The following CLASP2 variants were observed in gnomAD, a reference collection of about 807,000 sequenced individuals.
CLASP2 encodes cytoplasmic linker associated protein 2, also known as CLIP-associating protein 2.
CLASP2 carries 47 observed loss-of-function variants against 194.4 expected under a neutral mutation model. The ratio of observed to expected loss-of-function variants is 0.24; its 90% CI spans 0.19 to 0.31. CLASP2 has a LOEUF of 0.31. CLASP2 is among the 10% of genes least tolerant of loss of function. The pLI is 1.00. For synonymous variants in CLASP2, 619 were observed against 633.5 expected (o/e 0.98, Z 0.34); for missense variants, 1,445 against 1,823.6 (o/e 0.79, Z 3.78).
At chr3:33,707,306 GAAAACA>G (rs1284813334) in intron 1 of CLASP2, among the ~76,000 whole-genome samples, 17 of 152,134 alleles carry the variant, frequency 1.1e-4, no homozygotes, top group Non-Finnish European at 2.1e-4. Context: ...ATAATTATAT[GAAAACA>G]AAAACAAACA....
chr3:33,563,180 C>T (rs1275581838), intron 27 of CLASP2, among the ~76,000 whole-genome samples: 1 of 152,180 alleles, frequency 6.6e-6, no homozygotes, highest in Non-Finnish European at 1.5e-5. Flanking sequence ...CTGCTTCCAT[C>T]CTATTGCTCC....
At chr3:33,574,720 A>G (rs1483566610) in intron 24 of CLASP2, among the ~76,000 whole-genome samples, 1 of 152,136 alleles carries the variant, frequency 6.6e-6, no homozygotes, top group African/African-American at 2.4e-5. Flanking sequence ...TCCCATAACC[A>G]GTTTTCTCAA....
At chr3:33,689,975 A>T in intron 2 of CLASP2, 43 bp from the exon 3 acceptor site, 1 of 1,253,744 alleles carries the variant, frequency 8.0e-7, no homozygotes, top group Non-Finnish European at 1.1e-6. Flanking sequence ...CTTATAACTC[A>T]TCTCCATTAA....
At chr3:33,524,648 T>C (rs1412428345) in intron 34 of CLASP2, among the ~76,000 whole-genome samples, 1 of 150,070 alleles carries the variant, frequency 6.7e-6, no homozygotes, top group Non-Finnish European at 1.5e-5. Context: ...TGAGACCCTG[T>C]CTTAGGATAA....
chr3:33,661,994 T>G (rs2085379310), intron 7 of CLASP2, among the ~76,000 whole-genome samples: 1 of 152,208 alleles, frequency 6.6e-6, no homozygotes, highest in Non-Finnish European at 1.5e-5. Flanking sequence ...ACTTTCACAT[T>G]TGACCATACT....
chr3:33,686,318 C>T (rs976002257), intron 5 of CLASP2, among the ~76,000 whole-genome samples: 1 of 152,130 alleles, frequency 6.6e-6, no homozygotes, highest in Admixed American at 6.5e-5. Context: ...AGGCCATGGA[C>T]TCATATGGGT....
At chr3:33,646,816 C>T (rs2082351049) in intron 7 of CLASP2, among the ~76,000 whole-genome samples, 1 of 152,180 alleles carries the variant, frequency 6.6e-6, no homozygotes, top group African/African-American at 2.4e-5. Flanking sequence ...TCCAGATCCA[C>T]AGATTACCAG....
chr3:33,589,651 T>C (rs2068249670), intron 21 of CLASP2, among the ~76,000 whole-genome samples: 1 of 152,100 alleles, frequency 6.6e-6, no homozygotes, highest in African/African-American at 2.4e-5. Flanking sequence ...TCCTATTTGG[T>C]CTAAGAAAGT....
chr3:33,557,277 C>T (rs1211155410), intron 29 of CLASP2, among the ~76,000 whole-genome samples: 3 of 152,116 alleles, frequency 2.0e-5, no homozygotes, highest in Non-Finnish European at 4.4e-5. Flanking sequence ...CCCAGCCTCA[C>T]CCTTACTTCT....
At chr3:33,706,729 A>G (rs2154355475) in intron 1 of CLASP2, among the ~76,000 whole-genome samples, 1 of 152,298 alleles carries the variant, frequency 6.6e-6, no homozygotes, top group South Asian at 2.1e-4. Context: ...TGAGATGCCA[A>G]GACGGGAGGA....
At position 33,626,985 on chromosome 3, in the gene CLASP2, T is replaced by TA; in HGVS notation, c.1035+2dup. The TA allele has an allele frequency of 6.4e-7, 1 of 1,553,492 alleles. No homozygotes were observed. The highest frequency in any genetic ancestry group is 8.7e-7 in the Non-Finnish European group (1 of 1,143,794). On this transcript the variant is annotated splice_region_variant and intron_variant, in intron 10 of 38. Coordinates refer to ENST00000682230, the MANE Select transcript of CLASP2 (RefSeq NM_001365631.1). ...GATAAGAAAATTAAAGACAAAAACT[T>TA]ACTGCATTGGCACGCTGATCCCAGT... is the stretch of plus-strand genomic sequence containing the variant.
intron 7 of CLASP2, among the ~76,000 whole-genome samples, chr3:33,647,486 G>A (rs1459985248): frequency 6.6e-6 from 1 of 152,186 alleles, no homozygotes; most frequent in Non-Finnish European, 1.5e-5. Context: ...TCCCCTAGGG[G>A]AGGGGATGGC....
At chr3:33,680,243 TA>T (rs2089573307) in intron 6 of CLASP2, among the ~76,000 whole-genome samples, 2 of 152,288 alleles carry the variant, frequency 1.3e-5, no homozygotes, top group South Asian at 4.1e-4. Context: ...TTTAAGGCAG[TA>T]AAACTATTCT....
rs560459240 is a variant in CLASP2, at chr3:33,683,262, G to C, written c.644+1097C>G. 9.2e-5 allele frequency: 14 copies of C among 152,094 alleles called. 1 individual carries two copies. The highest frequency in any genetic ancestry group is 6.8e-3 in the Middle Eastern group (2 of 294). 9.4% of individuals were successfully genotyped at this position (152,094 alleles called of 1,614,324 possible). ...TGAAACAATGACAAAAAATATTACA[G>C]GACCTTAAGAACTTTTTAAATGGTG... On this transcript the variant is annotated intron_variant, in intron 6 of 38. Transcript: ENST00000682230.
intron 29 of CLASP2, chr3:33,558,600 AT>A (rs1260202472): frequency 5.3e-5 from 8 of 152,058 alleles, no homozygotes; most frequent in African/African-American, 1.7e-4. Context: ...TAAATCACAA[AT>A]TGGAATCCAT....
At chr3:33,673,277 G>A (rs867979346) in intron 6 of CLASP2, among the ~76,000 whole-genome samples, 1 of 152,144 alleles carries the variant, frequency 6.6e-6, no homozygotes, top group African/African-American at 2.4e-5. Flanking sequence ...AAGAGAGTGG[G>A]GGCCAATATT....
chr3:33,663,454 C>T lies in CLASP2; in HGVS notation c.706G>A (p.Val236Ile), dbSNP rs1302561181. ...GCTTAATTACTCTTACCTTTGCAGA[C>T]ACTCAAAATCATACCGCCTGAACTT... ...VQSSGGMILS[V>I]CKDKSFDDEE... The change falls in exon 7 of 39, where the codon GTC becomes ATC. Residue 236 changes from valine (V) to isoleucine (I), a missense_variant. Val to Ile is a conservative substitution (Grantham distance 29). Transcript: ENST00000682230. The T allele has an allele frequency of 1.2e-6, 2 of 1,611,884 alleles. No individual in the cohort carries two copies. Among genetic ancestry groups the T allele is most frequent in the South Asian group, 2.2e-5 (2 of 90,718 alleles).
chr3:33,527,595 A>G (rs1411165629), intron 34 of CLASP2, among the ~76,000 whole-genome samples: 1 of 152,190 alleles, frequency 6.6e-6, no homozygotes. Context: ...TGAGGAGGAA[A>G]GACTCCTTCA....
chr3:33,576,532 G>C (rs1196920971), intron 23 of CLASP2: 6 of 392,488 alleles, frequency 1.5e-5, no homozygotes, highest in African/African-American at 4.2e-5. Context: ...AAGGAAGCAT[G>C]GCTGGCAGAC....
Sources: allele counts gnomAD v4.1 joint callset (sites outside exome capture counted in the v4.1 genomes callset), GRCh38; gene constraint gnomAD v4.1.1; transcripts MANE v1.5; gene names NCBI Gene and HGNC (gene_info 2026-07-23, HGNC 2026-07-21).